The following TEAD1 variants were observed in gnomAD, a reference collection of about 807,000 sequenced individuals.
TEAD1 encodes transcriptional enhancer factor TEF-1.
Under a neutral mutation model 54.9 loss-of-function variants are expected in TEAD1, and 9 were observed. That is an observed-to-expected ratio of 0.16 (90% CI 0.10 to 0.29). The LOEUF (loss-of-function observed/expected upper bound fraction) is 0.29. Among genes scored for constraint, TEAD1 ranks in the 10% least tolerant of loss-of-function variants. The probability of loss-of-function intolerance (pLI) is 1.00; values close to 1 mark genes in which losing one functional copy is unlikely to be tolerated. For synonymous variants in TEAD1, 200 were observed against 187.8 expected, an observed-to-expected ratio of 1.07 and a Z score of -0.53; for missense variants, 387 against 535.9, an observed-to-expected ratio of 0.72 and a Z score of 2.74.
chr11:12,846,129 C>T (rs908742196), intron 3 of TEAD1, among the ~76,000 whole-genome samples: 22 of 152,152 alleles, frequency 1.4e-4, no homozygotes, highest in African/African-American at 5.1e-4. Context: ...GCATGCTGGG[C>T]GAAGGTCTGT....
At chr11:12,878,923 G>A in intron 5 of TEAD1, 1 of 1,285,176 alleles carries the variant, frequency 7.8e-7, no homozygotes, top group Admixed American at 2.3e-5. Flanking sequence ...ACCAAACTGA[G>A]TATTCTGTAT....
At position 12,929,163 on chromosome 11, in the gene TEAD1, C is replaced by CGTGTGTGTGTGTGTGTGT. The variant is rs60060462; in HGVS notation, c.1015-990_1015-973dup. Among the ~76,000 whole-genome samples the CGTGTGTGTGTGTGTGTGT allele has an allele frequency of 7.8e-3, 829 of 106,746 alleles. 12 individuals carry two copies. The highest frequency in any genetic ancestry group is 0.033 in the East Asian group (131 of 3,956). The allele number at this position is 106,746 out of a possible 152,430, so 70.0% of individuals were successfully genotyped here. A position where few individuals can be genotyped will look rare whatever the true frequency, so the allele number is the denominator to read the frequency against. On this transcript the variant is annotated intron_variant, in intron 11 of 12. Transcript: ENST00000527636. ...ATCTGCTGTGTTTTCTTTGCTTTGC[C>CGTGTGTGTGTGTGTGTGT]GTGTGTGTGTGTGTGTGTGTGTGTG...
chr11:12,863,655 A>G lies in TEAD1; in HGVS notation c.268-1183A>G, dbSNP rs369913279. Among the ~76,000 whole-genome samples, 6 of 152,164 alleles carry G rather than the reference A, an allele frequency of 3.9e-5. No homozygotes were observed. The South Asian group carries it at 6.2e-4, about 16-fold the overall frequency. ...TGAACTTTTAAATGGAAAGTTCTAC[A>G]TTTCGGAAACCAGTGGATCTAATCA... On this transcript the variant is annotated intron_variant, in intron 4 of 12. Transcript: ENST00000527636.
chr11:12,785,735 A>G (rs775051635), intron 3 of TEAD1, among the ~76,000 whole-genome samples: 1 of 152,040 alleles, frequency 6.6e-6, no homozygotes, highest in Non-Finnish European at 1.5e-5. Flanking sequence ...GAGGTTAGAA[A>G]CCTCAGGGAT....
intron 2 of TEAD1, among the ~76,000 whole-genome samples, chr11:12,688,718 C>T (rs1943387491): frequency 6.6e-6 from 1 of 152,180 alleles, no homozygotes; most frequent in Non-Finnish European, 1.5e-5. Flanking sequence ...CTTCTTGTTT[C>T]CTCCTCTGCA....
At chr11:12,865,086 T>A in intron 5 of TEAD1, 186 bp downstream of exon 5, 1 of 694,520 alleles carries the variant, frequency 1.4e-6, no homozygotes, top group Non-Finnish European at 2.6e-6. Flanking sequence ...ACTCAATGTG[T>A]GTGAGCGCGT....
At chr11:12,745,583 AG>A (rs1329667115) in intron 2 of TEAD1, among the ~76,000 whole-genome samples, 3 of 146,112 alleles carry the variant, frequency 2.1e-5, no homozygotes, top group Non-Finnish European at 3.0e-5. Context: ...TGTCATTTTA[AG>A]GGGTTTTTTT....
chr11:12,719,493 T>C (rs566278994), intron 2 of TEAD1, among the ~76,000 whole-genome samples: 17 of 147,946 alleles, frequency 1.1e-4, no homozygotes, highest in Admixed American at 2.8e-4. Context: ...CTCTACCTCT[T>C]AAGCTATGCT....
chr11:12,925,676 C>T (rs1231803543), intron 11 of TEAD1, among the ~76,000 whole-genome samples: 1 of 152,194 alleles, frequency 6.6e-6, no homozygotes, highest in African/African-American at 2.4e-5. Context: ...TGCTGTGCAC[C>T]TTTGCTTGAG....
At chr11:12,848,531 C>G (rs191912748) in intron 3 of TEAD1, among the ~76,000 whole-genome samples, 50 of 152,286 alleles carry the variant, frequency 3.3e-4, no homozygotes, top group East Asian at 3.1e-3. Context: ...GACTCCACTG[C>G]TTAATTAGTT....
chr11:12,703,887 T>C (rs1384120105), intron 2 of TEAD1, among the ~76,000 whole-genome samples: 2 of 152,154 alleles, frequency 1.3e-5, no homozygotes. Flanking sequence ...CTCACCTCTT[T>C]TTATAAAACA....
intron 2 of TEAD1, among the ~76,000 whole-genome samples, chr11:12,680,002 A>G (rs1748964966): frequency 6.6e-6 from 1 of 151,862 alleles, no homozygotes. Context: ...AAACTAAATA[A>G]ATGAATATTT....
chr11:12,724,589 A>G (rs992966969), intron 2 of TEAD1, among the ~76,000 whole-genome samples: 2 of 152,248 alleles, frequency 1.3e-5, no homozygotes, highest in Non-Finnish European at 2.9e-5. Context: ...GTGCACACGC[A>G]AGCCTAGTTC....
intron 3 of TEAD1, among the ~76,000 whole-genome samples, chr11:12,814,457 C>T (rs1946372905): frequency 6.6e-6 from 1 of 152,156 alleles, no homozygotes; most frequent in South Asian, 2.1e-4. Flanking sequence ...GGCTAGAGAG[C>T]TCTGCCTGGA....
rs1564994837 is a variant in TEAD1 at position 12,930,345 on chromosome 11, T to C, written c.1167+19T>C. The C allele has an allele frequency of 6.2e-7, 1 of 1,613,962 alleles. No homozygotes were observed. Among genetic ancestry groups the C allele is most frequent in the Non-Finnish European group, 8.5e-7 (1 of 1,179,910 alleles). ...TTTATTGGTAATGGTTTTGTCTCTT[T>C]CCTCTGTGGGCAGATGCTGCCATGA... On this transcript the variant is annotated intron_variant, in intron 12 of 12. Coordinates refer to ENST00000527636, the MANE Select transcript of TEAD1 (RefSeq NM_021961.6).
intron 10 of TEAD1, among the ~76,000 whole-genome samples, chr11:12,911,340 G>A (rs1306823588): frequency 2.0e-5 from 3 of 152,152 alleles, no homozygotes; most frequent in Non-Finnish European, 2.9e-5. Flanking sequence ...GTTTCTAATT[G>A]TATTCTGCAT....
At chr11:12,802,321 G>A (rs1946075826) in intron 3 of TEAD1, among the ~76,000 whole-genome samples, 1 of 152,064 alleles carries the variant, frequency 6.6e-6, no homozygotes, top group African/African-American at 2.4e-5. Flanking sequence ...GTGGGACTTC[G>A]AAATATGGAA....
intron 3 of TEAD1, among the ~76,000 whole-genome samples, chr11:12,781,951 C>CAAAAAAAAAAAAAAAAAAAAAAA (rs71454001): frequency 4.6e-5 from 3 of 65,422 alleles, no homozygotes; most frequent in Admixed American, 1.8e-4. Flanking sequence ...CTCGTCTGTA[C>CAAAAAAAAAAAAAAAAAAAAAAA]AAAAAAAAAA....
intron 3 of TEAD1, among the ~76,000 whole-genome samples, chr11:12,812,035 A>G (rs996716210): frequency 3.3e-5 from 5 of 152,116 alleles, no homozygotes; most frequent in African/African-American, 4.8e-5. Context: ...TTAGTTGCCT[A>G]TACTGACACA....
Sources: allele counts gnomAD v4.1 joint callset (sites outside exome capture counted in the v4.1 genomes callset), GRCh38; gene constraint gnomAD v4.1.1; transcripts MANE v1.5; gene names NCBI Gene and HGNC (gene_info 2026-07-23, HGNC 2026-07-21).